The following RGS8 variants were observed in gnomAD, a reference collection of about 807,000 sequenced individuals.
RGS8 encodes the protein regulator of G protein signaling 8.
RGS8 carries 8 observed loss-of-function variants against 21.7 expected under a neutral mutation model. The ratio of observed to expected loss-of-function variants is 0.37; its 90% CI spans 0.22 to 0.66. RGS8 has a LOEUF of 0.66. Ranked by LOEUF, RGS8 falls within the 30% of genes least tolerant of loss-of-function variation. The pLI is 0.59. For synonymous variants in RGS8, 80 were observed against 83.6 expected, an observed-to-expected ratio of 0.96 and a Z score of 0.24; for missense variants, 157 against 217.9, an observed-to-expected ratio of 0.72 and a Z score of 1.76.
chr1:182,741,756 A>AC, the RGS8 span, among the ~76,000 whole-genome samples: 2 of 94,250 alleles, frequency 2.1e-5, no homozygotes, highest in African/African-American at 6.9e-5. Context: ...CGGGGGGCTG[A>AC]CCCCCCCACC....
At chr1:182,747,440 T>G in the RGS8 span, among the ~76,000 whole-genome samples, 1 of 152,170 alleles carries the variant, frequency 6.6e-6, no homozygotes, top group Non-Finnish European at 1.5e-5. Context: ...TAAGGAGTGC[T>G]GTAACATAAG....
the RGS8 span, among the ~76,000 whole-genome samples, chr1:182,738,778 A>T: frequency 1.3e-5 from 2 of 152,208 alleles, no homozygotes; most frequent in African/African-American, 4.8e-5. Flanking sequence ...CCTTGAAACC[A>T]AGTATGCATC....
At chr1:182,703,352 G>T in the RGS8 span, among the ~76,000 whole-genome samples, 1 of 152,124 alleles carries the variant, frequency 6.6e-6, no homozygotes, top group East Asian at 1.9e-4. Flanking sequence ...ATAACAAACT[G>T]CTCTGACCCA....
chr1:182,655,752 TA>T (rs1207555350), intron 5 of RGS8, among the ~76,000 whole-genome samples: 1 of 152,186 alleles, frequency 6.6e-6, no homozygotes, highest in Non-Finnish European at 1.5e-5. Flanking sequence ...CATGGCAACT[TA>T]AATTAGCCTG....
At chr1:182,720,954 CATACATATGTGTGTA>C in the RGS8 span, among the ~76,000 whole-genome samples, 3 of 66,332 alleles carry the variant, frequency 4.5e-5, no homozygotes, top group Non-Finnish European at 9.5e-5. Context: ...TACATATATA[CATACATATGTGTGTA>C]TATATACATA....
chr1:182,741,035 T>C, the RGS8 span, among the ~76,000 whole-genome samples: 8 of 151,804 alleles, frequency 5.3e-5, no homozygotes, highest in Admixed American at 4.6e-4. Flanking sequence ...AAAACCGCCA[T>C]TGTCATCATG....
chr1:182,735,516 G>C, the RGS8 span, among the ~76,000 whole-genome samples: 1 of 152,188 alleles, frequency 6.6e-6, no homozygotes, highest in East Asian at 1.9e-4. Flanking sequence ...GATCTGATGA[G>C]ATCAGGGTGG....
chr1:182,699,757 A>G, the RGS8 span, among the ~76,000 whole-genome samples: 1 of 152,186 alleles, frequency 6.6e-6, no homozygotes, highest in African/African-American at 2.4e-5. Flanking sequence ...AATGTGCTGC[A>G]GGCCTGGGGC....
chr1:182,730,359 C>T, the RGS8 span, among the ~76,000 whole-genome samples: 4 of 152,118 alleles, frequency 2.6e-5, no homozygotes, highest in African/African-American at 9.7e-5. Flanking sequence ...CATGCACACC[C>T]TATCGCACTA....
At chr1:182,643,309 T>TCCCCCCTCCCCCCCCCCCCCCCCCCCCC (rs1662549751), downstream of RGS8, 1 of 56,154 alleles carries the variant, frequency 1.8e-5, no homozygotes, top group African/African-American at 9.0e-5. Context: ...CAGCTGTGTC[T>TCCCCCCTCCCCCCCCCCCCCCCCCCCCC]CCCCCCTCCC....
chr1:182,720,949 ATATACATACATATGTGTG>A, the RGS8 span, among the ~76,000 whole-genome samples: 1 of 77,722 alleles, frequency 1.3e-5, no homozygotes, highest in Non-Finnish European at 2.7e-5. Context: ...ATATATACAT[ATATACATACATATGTGTG>A]TATATATACA....
chr1:182,704,365 T>A, the RGS8 span, among the ~76,000 whole-genome samples: 4 of 152,240 alleles, frequency 2.6e-5, no homozygotes, highest in African/African-American at 9.6e-5. Context: ...CTCACTGTCC[T>A]CAGTTAAACC....
exon 4 of RGS8, chr1:182,666,969 T>C: frequency 6.2e-7 from 1 of 1,613,184 alleles, no homozygotes; most frequent in Non-Finnish European, 8.5e-7. Context: ...CTCATCCCTT[T>C]GTTCCTGCAA....
chr1:182,667,388 C>T (rs1353877164), intron 3 of RGS8, among the ~76,000 whole-genome samples: 2 of 152,210 alleles, frequency 1.3e-5, no homozygotes, highest in South Asian at 2.1e-4. Context: ...GGGGTACCAA[C>T]ACCAGGAGCA....
chr1:182,672,328 G>C (rs146045671), upstream of RGS8: 283 of 183,840 alleles, frequency 1.5e-3, 1 homozygote, highest in African/African-American at 6.0e-3. Flanking sequence ...GAGGGGGGCT[G>C]TCTTGCTGGG....
At chr1:182,697,042 G>T in the RGS8 span, among the ~76,000 whole-genome samples, 11 of 152,190 alleles carry the variant, frequency 7.2e-5, no homozygotes, top group African/African-American at 2.2e-4. Flanking sequence ...AACAGCAGAA[G>T]TGCAAAGACA....
At chr1:182,695,096 G>GC in the RGS8 span, among the ~76,000 whole-genome samples, 152,276 of 152,278 alleles carry the variant, frequency 1, 76,137 homozygotes, top group Non-Finnish European at 1. Context: ...GGAATCACTG[G>GC]CTACATCATT....
chr1:182,662,202 G>A (rs1001799259), intron 5 of RGS8, among the ~76,000 whole-genome samples: 1 of 152,150 alleles, frequency 6.6e-6, no homozygotes, highest in Non-Finnish European at 1.5e-5. Flanking sequence ...CAGCCTATGA[G>A]GTGCTCAGCC....
At chr1:182,662,857 AC>A (rs1320038976) in intron 5 of RGS8, among the ~76,000 whole-genome samples, 1 of 152,188 alleles carries the variant, frequency 6.6e-6, no homozygotes, top group Admixed American at 6.5e-5. Context: ...GATTTTGCAC[AC>A]CATGAGCACT....
Sources: gnomAD v4.1 joint callset for allele counts (sites outside exome capture counted in the v4.1 genomes callset) on GRCh38, gnomAD v4.1.1 for gene constraint, MANE v1.5 for transcripts, NCBI Gene and HGNC (gene_info 2026-07-23, HGNC 2026-07-21) for gene names.